PPP1R12B: variants seen among roughly 807,000 people sequenced by gnomAD.
PPP1R12B encodes the protein protein phosphatase 1 regulatory subunit 12B.
A neutral mutation model predicts 126.1 loss-of-function variants in PPP1R12B; 76 were observed. That is an observed-to-expected ratio of 0.60 (90% CI 0.50 to 0.73). PPP1R12B has a LOEUF of 0.73. Among genes scored for constraint, PPP1R12B ranks in the 30% least tolerant of loss-of-function variants. The pLI, the probability that PPP1R12B is intolerant of heterozygous loss-of-function variation, is 0.00. For synonymous variants in PPP1R12B, 356 were observed against 434.7 expected, an observed-to-expected ratio of 0.82 and a Z score of 2.25; for missense variants, 1,052 against 1,205.1, an observed-to-expected ratio of 0.87 and a Z score of 1.88.
chr1:202,580,374 C>T, intron 23 of PPP1R12B, 100 bp from the exon 24 acceptor site: 1 of 816,998 alleles, frequency 1.2e-6, no homozygotes, highest in South Asian at 1.4e-5. Context: ...CACACATTGT[C>T]TCAAAAGGCC....
At chr1:202,531,751 C>T (rs368005033) in intron 18 of PPP1R12B, among the ~76,000 whole-genome samples, 19 of 152,176 alleles carry the variant, frequency 1.2e-4, no homozygotes, top group African/African-American at 4.6e-4. Flanking sequence ...AACTAACCTA[C>T]CAAAAAATTG....
chr1:202,416,413 C>T (rs1668063421), intron 1 of PPP1R12B, among the ~76,000 whole-genome samples: 2 of 151,072 alleles, frequency 1.3e-5, no homozygotes, highest in Admixed American at 6.6e-5. Context: ...GTAATCCCAG[C>T]TACTAGGGAG....
chr1:202,409,046 C>G (rs902826727), intron 1 of PPP1R12B, among the ~76,000 whole-genome samples: 7 of 151,336 alleles, frequency 4.6e-5, no homozygotes, highest in African/African-American at 1.7e-4. Flanking sequence ...GCCATGTTGC[C>G]CAGGCTGGTC....
At chr1:202,461,933 C>G (rs1558257554) in intron 13 of PPP1R12B, among the ~76,000 whole-genome samples, 1 of 152,250 alleles carries the variant, frequency 6.6e-6, no homozygotes, top group East Asian at 1.9e-4. Flanking sequence ...CCTGGGCCTC[C>G]TATCCCAGTG....
intron 23 of PPP1R12B, among the ~76,000 whole-genome samples, chr1:202,569,440 A>G (rs1369421769): frequency 1.3e-5 from 2 of 152,150 alleles, no homozygotes; most frequent in Non-Finnish European, 2.9e-5. Flanking sequence ...TGGTTTAAGG[A>G]GAGGTCTTGG....
intron 23 of PPP1R12B, chr1:202,575,495 A>G (rs1420921191): frequency 5.9e-6 from 1 of 169,128 alleles, no homozygotes; most frequent in Non-Finnish European, 1.3e-5. Context: ...GCACATATAC[A>G]TATTTCATTG....
intron 13 of PPP1R12B, among the ~76,000 whole-genome samples, chr1:202,482,600 G>C (rs1677536092): frequency 6.6e-6 from 1 of 151,786 alleles, no homozygotes; most frequent in Non-Finnish European, 1.5e-5. Flanking sequence ...TTGTTTTTTT[G>C]TTTTGTTTGC....
chr1:202,435,861 C>T (rs568732370), intron 9 of PPP1R12B, among the ~76,000 whole-genome samples: 93 of 152,296 alleles, frequency 6.1e-4, no homozygotes, highest in African/African-American at 2.0e-3. Flanking sequence ...ATTAAAGAGG[C>T]TTTGAATAAA....
intron 13 of PPP1R12B, among the ~76,000 whole-genome samples, chr1:202,472,726 A>T (rs1164670057): frequency 1.3e-5 from 2 of 152,248 alleles, no homozygotes; most frequent in African/African-American, 4.8e-5. Context: ...TCTCTGAGCC[A>T]TAGCTTGGTG....
chr1:202,452,437 G>A (rs1240653489), intron 13 of PPP1R12B, among the ~76,000 whole-genome samples: 1 of 152,200 alleles, frequency 6.6e-6, no homozygotes, highest in Non-Finnish European at 1.5e-5. Flanking sequence ...GCAATCACAG[G>A]CACTTGGCAG....
chr1:202,401,539 A>G (rs977095720), intron 1 of PPP1R12B, among the ~76,000 whole-genome samples: 3 of 115,526 alleles, frequency 2.6e-5, no homozygotes, highest in Non-Finnish European at 4.0e-5. Context: ...ATACTGCCTC[A>G]CAGTATATTT....
At chr1:202,549,989 A>G (rs781721255) in intron 18 of PPP1R12B, among the ~76,000 whole-genome samples, 1 of 152,194 alleles carries the variant, frequency 6.6e-6, no homozygotes, top group Non-Finnish European at 1.5e-5. Context: ...TATTTCTAAC[A>G]TGAAGGCTAA....
chr1:202,439,048 GGCC>G (rs1671245452), intron 10 of PPP1R12B: 2 of 1,382,760 alleles, frequency 1.4e-6, no homozygotes, highest in Non-Finnish European at 2.1e-6. Flanking sequence ...ACTTCATCCT[GGCC>G]GCCAACTCCT....
chr1:202,461,576 A>G (rs190217912), intron 13 of PPP1R12B, among the ~76,000 whole-genome samples: 12 of 152,294 alleles, frequency 7.9e-5, no homozygotes, highest in Admixed American at 7.2e-4. Flanking sequence ...CTAAATATTA[A>G]TACCATTTTA....
At chr1:202,388,970 AAC>A (rs1214083879) in intron 1 of PPP1R12B, among the ~76,000 whole-genome samples, 1 of 152,198 alleles carries the variant, frequency 6.6e-6, no homozygotes, top group African/African-American at 2.4e-5. Context: ...AGACTCCAGA[AAC>A]AGACTCAATT....
chr1:202,502,673 C>T (rs1294726073), intron 18 of PPP1R12B: 1 of 177,824 alleles, frequency 5.6e-6, no homozygotes, highest in Non-Finnish European at 1.1e-5. Flanking sequence ...TATGGAAAAA[C>T]CATATAGAGT....
chr1:202,529,619 T>C (rs1683719126), intron 18 of PPP1R12B, among the ~76,000 whole-genome samples: 1 of 152,172 alleles, frequency 6.6e-6, no homozygotes, highest in Non-Finnish European at 1.5e-5. Flanking sequence ...TTTAAAAACT[T>C]ACATAGAATT....
chr1:202,544,637 A>G (rs1246547694), intron 18 of PPP1R12B, among the ~76,000 whole-genome samples: 4 of 152,320 alleles, frequency 2.6e-5, no homozygotes, highest in South Asian at 4.1e-4. Flanking sequence ...TTTGACCTGT[A>G]TTTATAAAGC....
intron 23 of PPP1R12B, among the ~76,000 whole-genome samples, chr1:202,571,970 CCA>C (rs1465121111): frequency 6.6e-6 from 1 of 152,180 alleles, no homozygotes; most frequent in Non-Finnish European, 1.5e-5. Flanking sequence ...TGCATTCTCA[CCA>C]GTTTTATTTT....
Sources: gnomAD v4.1 joint callset for allele counts (sites outside exome capture counted in the v4.1 genomes callset) on GRCh38, gnomAD v4.1.1 for gene constraint, MANE v1.5 for transcripts, NCBI Gene and HGNC (gene_info 2026-07-23, HGNC 2026-07-21) for gene names.